P2RY11: variants seen among roughly 807,000 people sequenced by gnomAD.
P2RY11 encodes purinergic receptor P2Y11.
P2RY11 carries 3 observed loss-of-function variants against 2.4 expected under a neutral mutation model. That is an observed-to-expected ratio of 1.22 (90% CI 0.56 to 3.17). The LOEUF is 3.17. Ranked by LOEUF, P2RY11 falls within the 30% of genes most tolerant of loss-of-function variation. P2RY11 has a pLI of 0.03. For missense variants in P2RY11, 670 were observed against 528.2 expected (o/e 1.27, Z -2.63); for synonymous variants, 307 against 237.3 (o/e 1.29, Z -2.70).
chr19:10,111,969 G>A (rs565346238), intron 1 of P2RY11: 10 of 516,398 alleles, frequency 1.9e-5, no homozygotes, highest in Middle Eastern at 5.4e-4. Context: ...AATTAGCTGG[G>A]CCTGGTGGCA....
chr19:10,112,450 T>C (rs1413020519), intron 1 of P2RY11: 1 of 152,382 alleles, frequency 6.6e-6, no homozygotes, highest in Non-Finnish European at 1.5e-5. Flanking sequence ...CTGGCACCAG[T>C]AATGGGTAAG....
chr19:10,114,482 A>T lies in P2RY11; in HGVS notation c.869A>T (p.Gln290Leu). The T allele has an allele frequency of 6.2e-7, 1 of 1,611,230 alleles. No individual in the cohort carries two copies. Among genetic ancestry groups the T allele is most frequent in the Non-Finnish European group, 8.5e-7 (1 of 1,178,816 alleles). The change falls in exon 2 of 2, where the codon CAG (glutamine) becomes CTG (leucine). Residue 290 changes from glutamine to leucine, a missense_variant. Physicochemically the swap from Gln to Leu is moderately radical, Grantham distance 113. Coordinates refer to ENST00000321826, the MANE Select transcript of P2RY11 (RefSeq NM_002566.5). Reference protein sequence around the residue: ...TRCPSFADIAQATAALELGPY... With the variant: ...TRCPSFADIALATAALELGPY... Reference sequence around the variant, plus strand: ...TGCCCGAGCTTTGCAGACATAGCCCAGGCCACAGCAGCCCTGGAGCTGGGG... The same window carrying T: ...TGCCCGAGCTTTGCAGACATAGCCCTGGCCACAGCAGCCCTGGAGCTGGGG...
chr19:10,115,201 C>T lies in P2RY11; in HGVS notation c.*463C>T, dbSNP rs2089219695. ...AAGACCCCAGACACCCAAGTGGCAT[C>T]TTGGGGGTGGGTGGGCAGAGGACGG... On this transcript the variant is annotated 3_prime_UTR_variant, in exon 2 of 2. Coordinates refer to ENST00000321826, the MANE Select transcript of P2RY11 (RefSeq NM_002566.5). 1.9e-6 allele frequency: 3 copies of T among 1,584,864 alleles called. No individual in the cohort carries two copies. The highest frequency in any genetic ancestry group is 2.6e-6 in the Non-Finnish European group (3 of 1,162,000).
In P2RY11 at chr19:10,114,946, A is replaced by G. The variant is rs996813932; in HGVS notation, c.*208A>G. 10 of 1,395,018 alleles carry G rather than the reference A, an allele frequency of 7.2e-6. No homozygotes were observed. The highest frequency in any genetic ancestry group is 1.8e-4 in the Middle Eastern group (1 of 5,670). 86.4% of individuals were successfully genotyped at this position (1,395,018 alleles called of 1,614,324 possible). A position where few individuals can be genotyped will look rare whatever the true frequency, so the allele number is the denominator to read the frequency against. On this transcript the variant is annotated 3_prime_UTR_variant, in exon 2 of 2. Transcript: ENST00000321826. ...TCCCTGCAGGGTCAGGGACCAGACC[A>G]CGCCCAGAGGAGGGGAGGCACTGGC...
chr19:10,113,422 C>G (rs781322415), intron 1 of P2RY11, among the ~76,000 whole-genome samples: 1 of 152,146 alleles, frequency 6.6e-6, no homozygotes, highest in African/African-American at 2.4e-5. Context: ...GACTGCCTGG[C>G]CCGCCTAAGC....
rs749430307 is a variant in P2RY11, at chr19:10,113,860, C to A, written c.247C>A (p.Pro83Thr). The change falls in exon 2 of 2, where the codon CCC becomes ACC. Residue 83 changes from proline to threonine, a missense_variant. Pro to Thr is a conservative substitution (Grantham distance 38, BLOSUM62 -1). Transcript: ENST00000321826. ...CGACCTGCTCTGCGCCCTGACGCTGCCCCCGCTGGCCGCCTACCTCTATCC... is the reference window on the plus strand; with the variant it reads ...CGACCTGCTCTGCGCCCTGACGCTGACCCCGCTGGCCGCCTACCTCTATCC... ...VSDLLCALTLPPLAAYLYPPK... is the reference protein window; with the variant it reads ...VSDLLCALTLTPLAAYLYPPK... The A allele has an allele frequency of 6.2e-7, 1 of 1,611,002 alleles. No individual in the cohort carries two copies. The highest frequency in any genetic ancestry group is 8.5e-7 in the Non-Finnish European group (1 of 1,179,058).
rs77496977 is a variant in P2RY11 at position 10,114,384 on chromosome 19, C to T, written c.771C>T (p.Tyr257=). 6,261 of 1,608,404 alleles carry T rather than the reference C, an allele frequency of 3.9e-3. 189 individuals carry two copies. In the South Asian group the frequency reaches 0.046, roughly 12 times the overall value. Residue 257 remains tyrosine, a synonymous_variant, in exon 2 of 2, where the codon TAC becomes TAT. Coordinates refer to ENST00000321826, the MANE Select transcript of P2RY11 (RefSeq NM_002566.5). ...AALVASGVAL[Y]ASSYVPYHIM... is the part of the protein sequence containing the mutation. ...TGGTGGCCAGTGGTGTGGCCCTCTA[C>T]GCCAGCTCCTATGTGCCCTACCACA...
rs200690818 is a variant in P2RY11 at position 10,113,673 on chromosome 19, C to T, written c.60C>T (p.Asp20=). Residue 20 remains aspartate, a synonymous_variant, in exon 2 of 2, where the codon GAC becomes GAT. Transcript: ENST00000321826. ...CTGCCAACTTCTTGGCAGCTGCCGA[C>T]GACAAACTCAGTGGGTTCCAGGGGG... ...SCPANFLAAA[D]DKLSGFQGDF... is the part of the protein sequence containing the mutation. 1.1e-5 allele frequency: 18 copies of T among 1,613,482 alleles called. No individual in the cohort carries two copies. The highest frequency in any genetic ancestry group is 2.2e-5 in the South Asian group (2 of 91,090).
In P2RY11 at chr19:10,115,137, A is replaced by AG; in HGVS notation, c.*403dup. Reference sequence around the variant, plus strand: ...GCTTAGTTGGTGGACGGCCTGGGGTAGGGGAGGGTGGCAGGTATAAGACTT... The same window carrying AG: ...GCTTAGTTGGTGGACGGCCTGGGGTAGGGGGAGGGTGGCAGGTATAAGACTT... On this transcript the variant is annotated 3_prime_UTR_variant, in exon 2 of 2. Transcript: ENST00000321826. 1 of 1,613,530 alleles carries AG rather than the reference A, an allele frequency of 6.2e-7. No homozygotes were observed. The highest frequency in any genetic ancestry group is 1.1e-5 in the South Asian group (1 of 90,980).
intron 1 of P2RY11, 71 bp from the exon 2 acceptor site, chr19:10,113,562 T>TGGGCTCTTGGGGTAGC: frequency 6.5e-7 from 1 of 1,539,034 alleles, no homozygotes; most frequent in Non-Finnish European, 8.8e-7. Flanking sequence ...ATGGCAGACG[T>TGGGCTCTTGGGGTAGC]GGGCTCTTGG....
chr19:10,115,163 C>T lies in P2RY11; in HGVS notation c.*425C>T, dbSNP rs1381664924. 1.2e-6 allele frequency: 2 copies of T among 1,612,340 alleles called. No homozygotes were observed. Among genetic ancestry groups the T allele is most frequent in the Non-Finnish European group, 1.7e-6 (2 of 1,179,418 alleles). Reference sequence around the variant, plus strand: ...GGGGAGGGTGGCAGGTATAAGACTTCTGGGGGCACCCCAAGACCCCAGACA... The same window carrying T: ...GGGGAGGGTGGCAGGTATAAGACTTTTGGGGGCACCCCAAGACCCCAGACA... On this transcript the variant is annotated 3_prime_UTR_variant, in exon 2 of 2. Transcript: ENST00000321826.
intron 1 of P2RY11, among the ~76,000 whole-genome samples, chr19:10,113,060 G>C (rs80028225): frequency 6.7e-6 from 1 of 149,176 alleles, no homozygotes; most frequent in Non-Finnish European, 1.5e-5. Context: ...GCACTGGGGG[G>C]TATGGCGGGC....
chr19:10,114,927 C>T lies in P2RY11; in HGVS notation c.*189C>T, dbSNP rs2089211573. Reference sequence around the variant, plus strand: ...ACAGCGCTGGCCACAGGGCTCCCTGCAGGGTCAGGGACCAGACCACGCCCA... The same window carrying T: ...ACAGCGCTGGCCACAGGGCTCCCTGTAGGGTCAGGGACCAGACCACGCCCA... On this transcript the variant is annotated 3_prime_UTR_variant, in exon 2 of 2. Transcript: ENST00000321826. 4 of 1,376,214 alleles carry T rather than the reference C, an allele frequency of 2.9e-6. No individual in the cohort carries two copies. The highest frequency in any genetic ancestry group is 2.1e-5 in the Admixed American group (1 of 48,284). The allele number at this position is 1,376,214 out of a possible 1,614,324, so 85.3% of individuals were successfully genotyped here.
rs907342988 is a variant in P2RY11, at chr19:10,114,864, A to C, written c.*126A>C. 1 of 1,462,522 alleles carries C rather than the reference A, an allele frequency of 6.8e-7. No homozygotes were observed. The highest frequency in any genetic ancestry group is 1.4e-5 in the African/African-American group (1 of 70,946). The allele number at this position is 1,462,522 out of a possible 1,614,324, so 90.6% of individuals were successfully genotyped here. On this transcript the variant is annotated 3_prime_UTR_variant, in exon 2 of 2. Coordinates refer to ENST00000321826, the MANE Select transcript of P2RY11 (RefSeq NM_002566.5). ...CTGTGCTTGCAGCCAGGTCAGGCCC[A>C]GCTGCAGCCCAGGCAGGAGCAGTCG...
intron 1 of P2RY11, 141 bp downstream of exon 1, chr19:10,111,881 G>C: frequency 1.0e-6 from 1 of 956,698 alleles, no homozygotes; most frequent in Non-Finnish European, 1.6e-6. Context: ...GGAGGTCGAG[G>C]GGGGTGGAAC....
chr19:10,114,031 C>T lies in P2RY11; in HGVS notation c.418C>T (p.His140Tyr). ...GIVHPFFARS[H>Y]LRPKHAWAVS... is the part of the protein sequence containing the mutation. ...CGTGCACCCCTTCTTCGCCCGAAGC[C>T]ACCTGCGACCCAAGCACGCCTGGGC... is the stretch of plus-strand genomic sequence containing the variant. Residue 140 changes from histidine to tyrosine, a missense_variant, in exon 2 of 2, where the codon CAC becomes TAC. Coordinates refer to ENST00000321826, the MANE Select transcript of P2RY11 (RefSeq NM_002566.5). 4 of 1,601,110 alleles carry T rather than the reference C, an allele frequency of 2.5e-6. No homozygotes were observed. Among genetic ancestry groups the T allele is most frequent in the Non-Finnish European group, 3.4e-6 (4 of 1,179,554 alleles).
rs763475137 is a variant in P2RY11, at chr19:10,113,802, C to T, written c.189C>T (p.Pro63=). The part of the protein sequence containing the change: ...FSIRKQRPWH[P]AVVFSVQLAV... Reference sequence around the variant, plus strand: ...TCCGGAAGCAGCGCCCATGGCACCCCGCCGTGGTCTTCTCTGTCCAGCTGG... The same window carrying T: ...TCCGGAAGCAGCGCCCATGGCACCCTGCCGTGGTCTTCTCTGTCCAGCTGG... Residue 63 remains proline, a synonymous_variant, in exon 2 of 2, where the codon CCC becomes CCT. Transcript: ENST00000321826. The T allele has an allele frequency of 1.2e-5, 20 of 1,613,918 alleles. No individual in the cohort carries two copies. The highest frequency in any genetic ancestry group is 4.0e-5 in the African/African-American group (3 of 74,918).
Position 10,113,675 on chromosome 19 carries a change from ACAAACTC to A in P2RY11, c.63_69del (p.Asp21GlufsTer58). ...GCCAACTTCTTGGCAGCTGCCGACG[ACAAACTC>A]AGTGGGTTCCAGGGGGACTTCCTGT... is the stretch of plus-strand genomic sequence containing the variant. On this transcript the variant is annotated frameshift_variant, in exon 2 of 2. Coordinates refer to ENST00000321826, the MANE Select transcript of P2RY11 (RefSeq NM_002566.5). LOFTEE classifies it low-confidence loss of function (END_TRUNC). 2.5e-6 allele frequency: 4 copies of A among 1,612,692 alleles called. No homozygotes were observed. Among genetic ancestry groups the A allele is most frequent in the Admixed American group, 3.3e-5 (2 of 59,832 alleles).
rs762152496 is a variant in P2RY11 at position 10,114,679 on chromosome 19, C to G, written c.1066C>G (p.Leu356Val). The change falls in exon 2 of 2, where the codon CTC (leucine) becomes GTC (valine). Residue 356 changes from leucine (L) to valine (V), a missense_variant. Leu to Val is a conservative substitution (Grantham distance 32). Coordinates refer to ENST00000321826, the MANE Select transcript of P2RY11 (RefSeq NM_002566.5). ...CAAGAGCACTGGCCAAGCCCTGCCC[C>G]TCAATGCCACAGCCGCCCCTAAACC... ...DAKSTGQALPLNATAAPKPSE... is the reference protein window; with the variant it reads ...DAKSTGQALPVNATAAPKPSE... 19 of 1,613,708 alleles carry G rather than the reference C, an allele frequency of 1.2e-5. 1 individual carries two copies. In the South Asian group the frequency reaches 2.1e-4, roughly 18 times the overall value.
Sources: allele counts gnomAD v4.1 joint callset (sites outside exome capture counted in the v4.1 genomes callset), GRCh38; gene constraint gnomAD v4.1.1; transcripts MANE v1.5; gene names NCBI Gene and HGNC (gene_info 2026-07-23, HGNC 2026-07-21).